The following SLC20A2 variants were observed in gnomAD, a reference collection of about 807,000 sequenced individuals.
The protein encoded by SLC20A2 is solute carrier family 20 member 2.
SLC20A2 carries 30 observed loss-of-function variants against 61.0 expected under a neutral mutation model. That is an observed-to-expected ratio of 0.49 (90% CI 0.37 to 0.67). The LOEUF (loss-of-function observed/expected upper bound fraction) is 0.67. Ranked by LOEUF, SLC20A2 falls within the 30% of genes least tolerant of loss-of-function variation. The pLI is 0.00. For missense variants in SLC20A2, 626 were observed against 866.4 expected, an observed-to-expected ratio of 0.72 and a Z score of 3.48; for synonymous variants, 351 against 353.3, an observed-to-expected ratio of 0.99 and a Z score of 0.07.
At chr8:42,528,364 AG>A (rs1445103147) in intron 1 of SLC20A2, among the ~76,000 whole-genome samples, 1 of 152,044 alleles carries the variant, frequency 6.6e-6, no homozygotes, top group Non-Finnish European at 1.5e-5. Flanking sequence ...CAGGAGGCTG[AG>A]GCAGGACAAT....
At chr8:42,527,141 C>T (rs1338741895) in intron 1 of SLC20A2, among the ~76,000 whole-genome samples, 1 of 148,244 alleles carries the variant, frequency 6.7e-6, no homozygotes, top group East Asian at 2.0e-4. Flanking sequence ...TGTGGTGGCT[C>T]GCGCCTGTAA....
At chr8:42,538,218 T>C (rs1332613852) in intron 1 of SLC20A2, 1 of 148,644 alleles carries the variant, frequency 6.7e-6, no homozygotes, top group Non-Finnish European at 1.5e-5. Context: ...ACTCTGTATA[T>C]ATACATGTAT....
rs748049678 is a variant in SLC20A2 at position 42,472,405 on chromosome 8, G to A, written c.-15C>T. 4 of 1,602,124 alleles carry A rather than the reference G, an allele frequency of 2.5e-6. No homozygotes were observed. The East Asian group carries it at 9.0e-5, about 36-fold the overall frequency. ...TCCATGGCCATTTTGGAAAGTGGGT[G>A]CCGGGTACTTTTCTTTTGCAGGAAT... On this transcript the variant is annotated 5_prime_UTR_variant, in exon 2 of 11. Coordinates refer to ENST00000520262, the MANE Select transcript of SLC20A2 (RefSeq NM_001257180.2). This position sits in a 1 kb window ranked among gnomAD's most constrained non-coding sequence, Gnocchi z 4.1.
Position 42,472,033 on chromosome 8 carries a change from G to T in SLC20A2, c.289+69C>A. 2 of 1,422,054 alleles carry T rather than the reference G, an allele frequency of 1.4e-6. No individual in the cohort carries two copies. Among genetic ancestry groups the T allele is most frequent in the South Asian group, 2.5e-5 (2 of 80,538 alleles). The allele number at this position is 1,422,054 out of a possible 1,614,324, so 88.1% of individuals were successfully genotyped here. A position where few individuals can be genotyped will look rare whatever the true frequency, so the allele number is the denominator to read the frequency against. ...AAGCAAAAATCACATTTATGGATAT[G>T]GGCAAAGTACTGCAGGGAAGCGGGT... On this transcript the variant is annotated intron_variant, in intron 2 of 10. Coordinates refer to ENST00000520262, the MANE Select transcript of SLC20A2 (RefSeq NM_001257180.2). The surrounding 1 kb of genome is among the most constrained non-coding windows in gnomAD (Gnocchi z 4.1).
At chr8:42,447,479 C>T (rs535990392) in intron 5 of SLC20A2, among the ~76,000 whole-genome samples, 11 of 152,236 alleles carry the variant, frequency 7.2e-5, no homozygotes, top group Non-Finnish European at 1.6e-4. Flanking sequence ...AGATGGAGAC[C>T]ATCCTGGCTA....
intron 1 of SLC20A2, among the ~76,000 whole-genome samples, chr8:42,528,379 G>A (rs889712801): frequency 2.6e-5 from 4 of 151,706 alleles, no homozygotes; most frequent in Admixed American, 6.6e-5. Context: ...GGACAATGGC[G>A]TGAACCCGGG....
At chr8:42,532,995 G>A (rs758144819) in intron 1 of SLC20A2, among the ~76,000 whole-genome samples, 6 of 152,154 alleles carry the variant, frequency 3.9e-5, no homozygotes, top group South Asian at 2.1e-4. Flanking sequence ...ATTCTGGACC[G>A]AAGAGGAAAA....
chr8:42,527,914 G>A lies in SLC20A2; in HGVS notation c.-265+13907C>T, dbSNP rs140541131. Among the ~76,000 whole-genome samples, 8 of 152,168 alleles carry A rather than the reference G, an allele frequency of 5.3e-5. No individual in the cohort carries two copies. In the East Asian group the frequency reaches 1.5e-3, roughly 29 times the overall value. ...ATCTATTTGTATTTTAAAAACATGT[G>A]TATGTGTCTATACACCAAAAAGTCA... is the stretch of plus-strand genomic sequence containing the variant. On this transcript the variant is annotated intron_variant, in intron 1 of 10. Coordinates refer to the SLC20A2 transcript ENST00000342228.
intron 1 of SLC20A2, among the ~76,000 whole-genome samples, chr8:42,528,804 T>G (rs1030981867): frequency 6.6e-6 from 1 of 151,736 alleles, no homozygotes; most frequent in Non-Finnish European, 1.5e-5. Context: ...GTAGCCAGGA[T>G]TATAGGCATG....
At chr8:42,431,611 T>C (rs1431823397) in intron 8 of SLC20A2, among the ~76,000 whole-genome samples, 2 of 152,208 alleles carry the variant, frequency 1.3e-5, no homozygotes, top group Admixed American at 1.3e-4. Flanking sequence ...AGTCTTCTAT[T>C]GGTAGAAGAT....
At chr8:42,513,005 T>C (rs1811114868) in intron 1 of SLC20A2, among the ~76,000 whole-genome samples, 1 of 152,246 alleles carries the variant, frequency 6.6e-6, no homozygotes, top group Non-Finnish European at 1.5e-5. Context: ...AGAGTATCTC[T>C]GAGATCATTT....
intron 2 of SLC20A2, chr8:42,470,922 G>A (rs974879068): frequency 8.5e-5 from 24 of 282,382 alleles, no homozygotes; most frequent in African/African-American, 4.1e-4. Flanking sequence ...GGCAGTGAGC[G>A]GAGATCACAC....
At chr8:42,442,137 T>G (rs1042220325) in intron 6 of SLC20A2, among the ~76,000 whole-genome samples, 1 of 152,178 alleles carries the variant, frequency 6.6e-6, no homozygotes, top group Non-Finnish European at 1.5e-5. Flanking sequence ...TTCTCCATGT[T>G]GGCCAGGCTG....
intron 1 of SLC20A2, among the ~76,000 whole-genome samples, chr8:42,491,060 T>G (rs1419814013): frequency 1.3e-5 from 2 of 152,066 alleles, no homozygotes; most frequent in Non-Finnish European, 2.9e-5. Context: ...CAAATGCAAT[T>G]CAAGTTTTTA....
intron 10 of SLC20A2, 29 bp downstream of exon 10, chr8:42,428,729 G>T (rs201213304): frequency 1.6e-5 from 25 of 1,598,178 alleles, no homozygotes; most frequent in Non-Finnish European, 2.0e-5. Flanking sequence ...AGCGGCCTGG[G>T]GAAGGGCTCC....
intron 3 of SLC20A2, among the ~76,000 whole-genome samples, chr8:42,464,279 C>CTTTTTTTTTT (rs202204490): frequency 7.3e-6 from 1 of 136,816 alleles, no homozygotes; most frequent in African/African-American, 3.0e-5. Context: ...GGCTAATTTT[C>CTTTTTTTTTT]TTTCTTTTTT....
At chr8:42,480,897 C>T (rs147117125) in intron 1 of SLC20A2, among the ~76,000 whole-genome samples, 1 of 152,204 alleles carries the variant, frequency 6.6e-6, no homozygotes, top group East Asian at 1.9e-4. Context: ...CTGGACTCAA[C>T]TGATTCTCCC....
intron 8 of SLC20A2, among the ~76,000 whole-genome samples, chr8:42,434,366 C>T (rs1396643830): frequency 6.6e-6 from 1 of 150,862 alleles, no homozygotes; most frequent in Non-Finnish European, 1.5e-5. Context: ...AGATTATAGG[C>T]GTGAGCCACC....
chr8:42,524,740 T>C (rs1298207471), intron 1 of SLC20A2, among the ~76,000 whole-genome samples: 1 of 151,798 alleles, frequency 6.6e-6, no homozygotes, highest in Non-Finnish European at 1.5e-5. Context: ...GAGCCAAGAC[T>C]GTGCCATTGC....
Sources: allele counts gnomAD v4.1 joint callset (sites outside exome capture counted in the v4.1 genomes callset), GRCh38; gene constraint gnomAD v4.1.1; non-coding constraint Gnocchi (gnomAD v3.1); transcripts MANE v1.5; gene names NCBI Gene and HGNC (gene_info 2026-07-23, HGNC 2026-07-21).